MCCC2: variants seen among roughly 807,000 people sequenced by gnomAD.
The protein encoded by MCCC2 is methylcrotonoyl-CoA carboxylase beta chain, mitochondrial.
Under a neutral mutation model 77.2 loss-of-function variants are expected in MCCC2, and 52 were observed. The observed-to-expected ratio is 0.67, with a 90% CI of 0.54 to 0.85. The LOEUF is 0.85. MCCC2 is among the 40% of genes least tolerant of loss of function. The pLI is 0.00. For synonymous variants in MCCC2, 253 were observed against 248.4 expected (o/e 1.02, Z -0.18); for missense variants, 682 against 703.2 (o/e 0.97, Z 0.34).
At chr5:71,632,871 C>T (rs777723355) in intron 8 of MCCC2, among the ~76,000 whole-genome samples, 2 of 151,822 alleles carry the variant, frequency 1.3e-5, no homozygotes, top group African/African-American at 4.8e-5. Context: ...GTAAGAAGAC[C>T]CTCTACCTCC....
rs746046594 is a variant in MCCC2, at chr5:71,596,408, A to G, written c.281+44A>G. ...ACTGACTCAGAGTGTTCTCTGTTCCATAGTACTTTATTAGACAGTCTTGTA... is the reference window on the plus strand; with the variant it reads ...ACTGACTCAGAGTGTTCTCTGTTCCGTAGTACTTTATTAGACAGTCTTGTA... On this transcript the variant is annotated intron_variant, in intron 3 of 16. Transcript: ENST00000340941. 5.5e-6 allele frequency: 8 copies of G among 1,464,104 alleles called. No homozygotes were observed. In the African/African-American group the frequency reaches 1.1e-4, roughly 20 times the overall value. 90.7% of individuals were successfully genotyped at this position (1,464,104 alleles called of 1,614,324 possible).
At chr5:71,634,423 C>T (rs1746846078) in intron 8 of MCCC2, among the ~76,000 whole-genome samples, 1 of 152,148 alleles carries the variant, frequency 6.6e-6, no homozygotes, top group Non-Finnish European at 1.5e-5. Flanking sequence ...GTCAGTGTAA[C>T]TTTGTAGGGA....
At chr5:71,604,687 C>T (rs1158573614) in intron 6 of MCCC2, among the ~76,000 whole-genome samples, 1 of 151,706 alleles carries the variant, frequency 6.6e-6, no homozygotes, top group Non-Finnish European at 1.5e-5. Flanking sequence ...CCCACTAAAT[C>T]GTCATCTAGC....
At chr5:71,624,532 C>T (rs1283513821) in intron 6 of MCCC2, among the ~76,000 whole-genome samples, 5 of 151,876 alleles carry the variant, frequency 3.3e-5, no homozygotes, top group African/African-American at 1.2e-4. Context: ...CATGCACCAC[C>T]GTGCCTGGCT....
At chr5:71,654,078 A>G (rs548966512) in intron 16 of MCCC2, among the ~76,000 whole-genome samples, 18 of 152,186 alleles carry the variant, frequency 1.2e-4, no homozygotes, top group African/African-American at 3.1e-4. Context: ...GCTCACTGCA[A>G]TCTCTGCCTC....
chr5:71,610,847 G>T (rs150032405), intron 6 of MCCC2, among the ~76,000 whole-genome samples: 13 of 152,248 alleles, frequency 8.5e-5, no homozygotes, highest in African/African-American at 3.1e-4. Context: ...TTAGCTGGGC[G>T]TGGTGGCACA....
intron 13 of MCCC2, 141 bp from the exon 14 acceptor site, chr5:71,648,956 A>G (rs556126399): frequency 8.2e-6 from 8 of 972,854 alleles, no homozygotes; most frequent in East Asian, 2.4e-5. Context: ...TTTTAACGGT[A>G]TGTTTCACAT....
At chr5:71,636,195 T>G (rs1329246139) in intron 10 of MCCC2, 2 of 337,088 alleles carry the variant, frequency 5.9e-6, no homozygotes, top group African/African-American at 2.1e-5. Flanking sequence ...ATTTTCTGAA[T>G]GCATTGATGG....
chr5:71,643,900 G>C lies in MCCC2; in HGVS notation c.1149+5G>C. ...TTTTCTGAATCTGCAAAAAAGGCAA[G>C]TACTGTTAAAAATATTTCAAGATTT... On this transcript the variant is annotated splice_donor_5th_base_variant and intron_variant, in intron 12 of 16. Transcript: ENST00000340941. 4 of 1,613,942 alleles carry C rather than the reference G, an allele frequency of 2.5e-6. No individual in the cohort carries two copies. Among genetic ancestry groups the C allele is most frequent in the Non-Finnish European group, 3.4e-6 (4 of 1,179,926 alleles).
At chr5:71,610,239 C>T (rs958348765) in intron 6 of MCCC2, among the ~76,000 whole-genome samples, 6 of 152,356 alleles carry the variant, frequency 3.9e-5, no homozygotes, top group Admixed American at 3.3e-4. Flanking sequence ...GCGTAGGACC[C>T]TCCGAGCCAG....
In MCCC2 at chr5:71,643,568, T is replaced by G. The variant is rs138224671; in HGVS notation, c.1073-251T>G. 5.3e-5 allele frequency among the ~76,000 whole-genome samples: 8 copies of G among 152,326 alleles called. No individual in the cohort carries two copies. In the East Asian group the frequency reaches 1.5e-3, roughly 29 times the overall value. On this transcript the variant is annotated intron_variant, in intron 11 of 16. Coordinates refer to ENST00000340941, the MANE Select transcript of MCCC2 (RefSeq NM_022132.5). ...TGGATAATACACTAAGCCAATTATT[T>G]AATCAAATCAATCAAGACAAATGGA...
intron 6 of MCCC2, among the ~76,000 whole-genome samples, chr5:71,625,233 T>C (rs1205318191): frequency 1.3e-5 from 2 of 152,238 alleles, no homozygotes; most frequent in African/African-American, 2.4e-5. Context: ...GTATTTCTTT[T>C]TGGATACTGA....
At chr5:71,609,184 C>T (rs1745813029) in intron 6 of MCCC2, among the ~76,000 whole-genome samples, 1 of 151,746 alleles carries the variant, frequency 6.6e-6, no homozygotes, top group African/African-American at 2.4e-5. Flanking sequence ...GTTCCATTCT[C>T]CCCATCACTT....
At chr5:71,611,018 CAG>C (rs1252145252) in intron 6 of MCCC2, among the ~76,000 whole-genome samples, 3 of 152,016 alleles carry the variant, frequency 2.0e-5, no homozygotes, top group Non-Finnish European at 4.4e-5. Flanking sequence ...AAAAGGAAAA[CAG>C]GGTTTAAAAA....
intron 16 of MCCC2, among the ~76,000 whole-genome samples, chr5:71,653,850 C>CAAA (rs33938603): frequency 8.2e-6 from 1 of 122,648 alleles, no homozygotes; most frequent in Non-Finnish European, 1.7e-5. Flanking sequence ...GGCCCTATCT[C>CAAA]AAAAAAAAAA....
At chr5:71,629,273 A>G (rs1271634835) in intron 7 of MCCC2, among the ~76,000 whole-genome samples, 1 of 152,198 alleles carries the variant, frequency 6.6e-6, no homozygotes, top group Non-Finnish European at 1.5e-5. Context: ...AATATTGAGA[A>G]TAGGCAAATT....
rs753100774 is a variant in MCCC2 at position 71,635,018 on chromosome 5, T to A, written c.879T>A (p.Asn293Lys). The change falls in exon 9 of 17, where the codon AAT (asparagine) becomes AAA (lysine). Residue 293 changes from asparagine (N) to lysine (K), a missense_variant. Asn to Lys is a moderately conservative substitution (Grantham distance 94). Transcript: ENST00000340941. The part of the protein sequence containing the change: ...ALHLTRKVVR[N>K]LNYQKKLDVT... ...ACTTAACTAGGAAGGTTGTGAGGAA[T>A]CTAAATTATCAGAAGAAATTGGATG... The A allele has an allele frequency of 6.2e-7, 1 of 1,614,164 alleles. No individual in the cohort carries two copies. The highest frequency in any genetic ancestry group is 8.5e-7 in the Non-Finnish European group (1 of 1,180,014).
chr5:71,608,354 C>G (rs553674224), intron 6 of MCCC2, among the ~76,000 whole-genome samples: 1 of 112,946 alleles, frequency 8.9e-6, no homozygotes, highest in South Asian at 3.5e-4. Flanking sequence ...CTCTTTTGAT[C>G]TTTGTTGGTT....
chr5:71,644,035 G>GTGTA (rs1747208013), intron 12 of MCCC2, 140 bp downstream of exon 12: 1 of 504,920 alleles, frequency 2.0e-6, no homozygotes, highest in Non-Finnish European at 3.6e-6. Context: ...GCGCGGGCAT[G>GTGTA]TGTGTGTGTG....
Sources: gnomAD v4.1 joint callset for allele counts (sites outside exome capture counted in the v4.1 genomes callset) on GRCh38, gnomAD v4.1.1 for gene constraint, MANE v1.5 for transcripts, NCBI Gene and HGNC (gene_info 2026-07-23, HGNC 2026-07-21) for gene names.